NBAS: variants seen among roughly 807,000 people sequenced by gnomAD.
NBAS encodes the protein NBAS subunit of NRZ tethering complex.
A neutral mutation model predicts 302.5 loss-of-function variants in NBAS; 219 were observed. That is an observed-to-expected ratio of 0.72 (90% CI 0.65 to 0.81). NBAS has a LOEUF of 0.81. Among genes scored for constraint, NBAS ranks in the 30% least tolerant of loss-of-function variants. NBAS has a pLI of 0.00. For missense variants in NBAS, 2,932 were observed against 2,841.6 expected, an observed-to-expected ratio of 1.03 and a Z score of -0.72; for synonymous variants, 1,118 against 1,021.6, an observed-to-expected ratio of 1.09 and a Z score of -1.80.
the NBAS span, among the ~76,000 whole-genome samples, chr2:14,876,002 G>A: frequency 6.6e-6 from 1 of 152,216 alleles, no homozygotes; most frequent in Admixed American, 6.5e-5. Context: ...TCTGGTTTTT[G>A]TACAGTCACA....
the NBAS span, among the ~76,000 whole-genome samples, chr2:15,015,027 T>A: frequency 6.6e-6 from 1 of 151,068 alleles, no homozygotes; most frequent in Admixed American, 6.6e-5. Context: ...AATTTGAAAA[T>A]CTAGAGCAAA....
chr2:15,326,996 GT>G (rs1343350173), intron 38 of NBAS, among the ~76,000 whole-genome samples: 1 of 152,116 alleles, frequency 6.6e-6, no homozygotes, highest in Non-Finnish European at 1.5e-5. Context: ...AACGTGCTCA[GT>G]TAACAGACGG....
At chr2:15,073,034 A>G in the NBAS span, among the ~76,000 whole-genome samples, 26 of 152,176 alleles carry the variant, frequency 1.7e-4, no homozygotes, top group Non-Finnish European at 2.9e-5. Flanking sequence ...GAGGCTGGAG[A>G]ACTGCTTAAG....
the NBAS span, among the ~76,000 whole-genome samples, chr2:14,945,198 G>T: frequency 4.5e-4 from 68 of 152,280 alleles, no homozygotes; most frequent in East Asian, 2.3e-3. Flanking sequence ...ATTCAGGAAG[G>T]GCAGCACTCC....
the NBAS span, among the ~76,000 whole-genome samples, chr2:14,794,059 T>A: frequency 1.1e-3 from 168 of 152,272 alleles, no homozygotes; most frequent in African/African-American, 3.9e-3. Context: ...CTAAAAAAAA[T>A]TCTTCAAACA....
At chr2:15,479,780 C>T (rs745904013) in intron 12 of NBAS, among the ~76,000 whole-genome samples, 2 of 152,196 alleles carry the variant, frequency 1.3e-5, no homozygotes, top group Non-Finnish European at 2.9e-5. Context: ...TAATGGGCAG[C>T]TCCTGTCAAT....
At chr2:15,181,727 C>G (rs1664834036) in intron 50 of NBAS, among the ~76,000 whole-genome samples, 1 of 152,206 alleles carries the variant, frequency 6.6e-6, no homozygotes, top group South Asian at 2.1e-4. Flanking sequence ...ATGAGATGCA[C>G]TGGGGCACTG....
chr2:15,249,597 A>T (rs1309641387), intron 44 of NBAS, among the ~76,000 whole-genome samples: 2 of 152,248 alleles, frequency 1.3e-5, no homozygotes, highest in African/African-American at 4.8e-5. Flanking sequence ...CCTTAAGCTG[A>T]TAAACAACTT....
intron 38 of NBAS, among the ~76,000 whole-genome samples, chr2:15,321,962 T>C (rs906061560): frequency 7.2e-5 from 11 of 152,214 alleles, no homozygotes; most frequent in African/African-American, 2.4e-4. Context: ...GTGGCACTAT[T>C]CACAATAGCA....
intron 50 of NBAS, among the ~76,000 whole-genome samples, chr2:15,182,988 C>T (rs987164100): frequency 6.6e-6 from 1 of 151,738 alleles, no homozygotes; most frequent in African/African-American, 2.4e-5. Flanking sequence ...CTGACATAAA[C>T]AATTAGGCAC....
chr2:14,959,747 C>T, the NBAS span, among the ~76,000 whole-genome samples: 1 of 152,152 alleles, frequency 6.6e-6, no homozygotes, highest in Non-Finnish European at 1.5e-5. Context: ...ATGACATGTT[C>T]CATCTTACTC....
intron 26 of NBAS, among the ~76,000 whole-genome samples, chr2:15,396,917 C>G (rs1675891893): frequency 6.6e-6 from 1 of 152,230 alleles, no homozygotes; most frequent in East Asian, 1.9e-4. Flanking sequence ...CATTAGGATT[C>G]CATATACTCA....
At chr2:15,028,723 T>G in the NBAS span, among the ~76,000 whole-genome samples, 1 of 152,222 alleles carries the variant, frequency 6.6e-6, no homozygotes, top group African/African-American at 2.4e-5. Context: ...TTCCTCCAGA[T>G]GTTGACATTC....
the NBAS span, among the ~76,000 whole-genome samples, chr2:14,870,652 AAAAC>A: frequency 1.3e-5 from 2 of 152,080 alleles, no homozygotes; most frequent in Non-Finnish European, 2.9e-5. Flanking sequence ...AAAAAAAGGC[AAAAC>A]AAACAAACAA....
chr2:14,871,951 T>C, the NBAS span, among the ~76,000 whole-genome samples: 1 of 152,062 alleles, frequency 6.6e-6, no homozygotes, highest in Admixed American at 6.6e-5. Flanking sequence ...GATTGTCAAA[T>C]TGAATAGAAA....
chr2:14,864,757 T>A, the NBAS span, among the ~76,000 whole-genome samples: 1 of 152,172 alleles, frequency 6.6e-6, no homozygotes, highest in African/African-American at 2.4e-5. Flanking sequence ...CCTCCCTGAC[T>A]CAGTTAAAGC....
intron 9 of NBAS, among the ~76,000 whole-genome samples, chr2:15,515,367 C>T (rs868633491): frequency 1.1e-4 from 17 of 152,114 alleles, no homozygotes; most frequent in African/African-American, 3.9e-4. Context: ...TGCCAAGGGG[C>T]CAGCCTGGAA....
At chr2:15,227,536 T>A (rs1027260426) in intron 47 of NBAS, among the ~76,000 whole-genome samples, 1 of 151,872 alleles carries the variant, frequency 6.6e-6, no homozygotes, top group Admixed American at 6.6e-5. Flanking sequence ...AGACCCTGGA[T>A]ACCTAAAACA....
the NBAS span, among the ~76,000 whole-genome samples, chr2:15,053,710 G>A: frequency 6.6e-6 from 1 of 151,340 alleles, no homozygotes. Flanking sequence ...CGTCCATGTG[G>A]AAAAAAAACT....
Sources: gnomAD v4.1 joint callset for allele counts (sites outside exome capture counted in the v4.1 genomes callset) on GRCh38, gnomAD v4.1.1 for gene constraint, MANE v1.5 for transcripts, NCBI Gene and HGNC (gene_info 2026-07-23, HGNC 2026-07-21) for gene names.